The following ZNF331 variants were observed in gnomAD, a reference collection of about 807,000 sequenced individuals.
The protein encoded by ZNF331 is zinc finger protein 331, also known as C2H2-like zinc finger protein rearranged in thyroid adenomas.
ZNF331 carries 2 observed loss-of-function variants against 7.0 expected under a neutral mutation model. That is an observed-to-expected ratio of 0.29 (90% CI 0.12 to 0.90). The LOEUF is 0.90. Ranked by LOEUF, ZNF331 falls within the 40% of genes least tolerant of loss-of-function variation. The probability of loss-of-function intolerance (pLI) is 0.58; values close to 1 mark genes in which losing one functional copy is unlikely to be tolerated. For missense variants in ZNF331, 432 were observed against 587.7 expected (o/e 0.74, Z 2.74); for synonymous variants, 196 against 205.4 (o/e 0.95, Z 0.39).
In ZNF331 at chr19:53,577,658, T is replaced by C. The variant is rs1207099473; in HGVS notation, c.1098T>C (p.Cys366=). The part of the protein sequence containing the change: ...KCTECGKAFN[C]GYHLTQHERI... ...CAGAATGTGGGAAGGCCTTCAATTGTGGCTATCACCTCACTCAGCACGAGA... is the reference window on the plus strand; with the variant it reads ...CAGAATGTGGGAAGGCCTTCAATTGCGGCTATCACCTCACTCAGCACGAGA... The change falls in exon 6 of 6, where the codon TGT becomes TGC. Residue 366 remains cysteine (C), a synonymous_variant. Coordinates refer to ENST00000449416, the MANE Select transcript of ZNF331 (RefSeq NM_001079906.2). 1 of 1,613,734 alleles carries C rather than the reference T, an allele frequency of 6.2e-7. No individual in the cohort carries two copies. The highest frequency in any genetic ancestry group is 1.1e-5 in the South Asian group (1 of 91,060).
chr19:53,557,191 C>T (rs547313767), intron 3 of ZNF331, among the ~76,000 whole-genome samples: 1 of 151,980 alleles, frequency 6.6e-6, no homozygotes, highest in African/African-American at 2.4e-5. Flanking sequence ...CTCCTGAGCT[C>T]AAGCAATCCT....
intron 3 of ZNF331, among the ~76,000 whole-genome samples, 197 bp downstream of exon 3, chr19:53,556,105 T>C (rs541829578): frequency 2.7e-5 from 4 of 150,052 alleles, no homozygotes; most frequent in Non-Finnish European, 5.9e-5. Context: ...TAGCCGGGAG[T>C]GGTGGTGGGC....
chr19:53,514,928 C>G (rs909566034), upstream of ZNF331, among the ~76,000 whole-genome samples: 4 of 152,236 alleles, frequency 2.6e-5, no homozygotes, highest in East Asian at 7.8e-4. Context: ...GGATTACAGG[C>G]GGGAGCCATG....
chr19:53,526,158 T>C (rs541379174), intron 2 of ZNF331, among the ~76,000 whole-genome samples: 3 of 152,370 alleles, frequency 2.0e-5, no homozygotes, highest in South Asian at 2.1e-4. Flanking sequence ...CCTTTTTATA[T>C]GCTACTGAGT....
chr19:53,507,356 T>C, the ZNF331 span, among the ~76,000 whole-genome samples: 2 of 152,110 alleles, frequency 1.3e-5, no homozygotes, highest in African/African-American at 4.8e-5. Flanking sequence ...CACCTTGATA[T>C]TCCAATTTTG....
In ZNF331 at chr19:53,580,120, G is replaced by A. The variant is rs1003324336; in HGVS notation, c.*2168G>A. 1 of 210,134 alleles carries A rather than the reference G, an allele frequency of 4.8e-6. No homozygotes were observed. 13.0% of individuals were successfully genotyped at this position (210,134 alleles called of 1,614,324 possible). A position where few individuals can be genotyped will look rare whatever the true frequency, so the allele number is the denominator to read the frequency against. ...TCAGATGTCTCACCACAAAGAAGGA[G>A]GATAAGGGAGCGAGGTGATGGATAT... On this transcript the variant is annotated 3_prime_UTR_variant, in exon 6 of 6. Coordinates refer to ENST00000449416, the MANE Select transcript of ZNF331 (RefSeq NM_001079906.2).
At chr19:53,559,944 CACCA>C (rs2147527122) in intron 3 of ZNF331, among the ~76,000 whole-genome samples, 1 of 149,122 alleles carries the variant, frequency 6.7e-6, no homozygotes, top group African/African-American at 2.5e-5. Flanking sequence ...CATACATACA[CACCA>C]CACACACACA....
intron 3 of ZNF331, among the ~76,000 whole-genome samples, chr19:53,567,390 A>T (rs1196128366): frequency 6.6e-6 from 1 of 152,114 alleles, no homozygotes; most frequent in Middle Eastern, 3.2e-3. Context: ...TCAGAATGAG[A>T]CTGAATACTC....
upstream of ZNF331, among the ~76,000 whole-genome samples, chr19:53,534,061 T>C (rs139992487): frequency 9.3e-3 from 1,417 of 152,278 alleles, 24 homozygotes; most frequent in African/African-American, 0.032. Context: ...GCAGCTGTTA[T>C]AGCAGCCAAA....
chr19:53,564,348 C>T (rs1223234477), intron 3 of ZNF331, among the ~76,000 whole-genome samples: 2 of 151,868 alleles, frequency 1.3e-5, no homozygotes, highest in Non-Finnish European at 2.9e-5. Context: ...AGTGCGATCT[C>T]GGCTCACTGC....
rs1415849942 is a variant in ZNF331 at position 53,580,061 on chromosome 19, T to C, written c.*2109T>C. On this transcript the variant is annotated 3_prime_UTR_variant, in exon 6 of 6. Transcript: ENST00000449416. ...CTGTCACTCTAGACAGTCACCAGGA[T>C]GATTAAATTTAAATCACAATAACAA... The C allele has an allele frequency of 4.7e-6, 1 of 210,846 alleles. No homozygotes were observed. The highest frequency in any genetic ancestry group is 7.2e-5 in the East Asian group (1 of 13,932). 13.1% of individuals were successfully genotyped at this position (210,846 alleles called of 1,614,324 possible). A position where few individuals can be genotyped will look rare whatever the true frequency, so the allele number is the denominator to read the frequency against.
At chr19:53,519,715 C>T (rs141716099), upstream of ZNF331, among the ~76,000 whole-genome samples, 159 of 152,182 alleles carry the variant, frequency 1.0e-3, no homozygotes, top group Non-Finnish European at 1.9e-3. Context: ...CATCAGAGAA[C>T]GAAACGCAAA....
upstream of ZNF331, among the ~76,000 whole-genome samples, chr19:53,519,311 G>A (rs1257374471): frequency 1.3e-5 from 2 of 152,162 alleles, no homozygotes; most frequent in African/African-American, 2.4e-5. Context: ...CCCAGTGTTT[G>A]TCTAAATTGC....
rs975041496 is a variant in ZNF331 at position 53,580,142 on chromosome 19, A to T, written c.*2190A>T. ...GGAGGATAAGGGAGCGAGGTGATGG[A>T]TATGTTAATTAGCTTGATTTAATCC... On this transcript the variant is annotated 3_prime_UTR_variant, in exon 6 of 6. Coordinates refer to ENST00000449416, the MANE Select transcript of ZNF331 (RefSeq NM_001079906.2). 1 of 206,854 alleles carries T rather than the reference A, an allele frequency of 4.8e-6. No homozygotes were observed. Among genetic ancestry groups the T allele is most frequent in the Non-Finnish European group, 9.9e-6 (1 of 101,414 alleles). The allele number at this position is 206,854 out of a possible 1,614,324, so 12.8% of individuals were successfully genotyped here.
the ZNF331 span, among the ~76,000 whole-genome samples, chr19:53,504,603 AC>A: frequency 8.7e-4 from 132 of 152,186 alleles, no homozygotes; most frequent in African/African-American, 3.0e-3. Flanking sequence ...CTCGGAGTAG[AC>A]GGGGGGAATG....
At chr19:53,533,609 A>G (rs1206707654), upstream of ZNF331, among the ~76,000 whole-genome samples, 2 of 152,020 alleles carry the variant, frequency 1.3e-5, no homozygotes, top group Non-Finnish European at 2.9e-5. Flanking sequence ...CAATTATTGT[A>G]TTGCAGTCTG....
At chr19:53,506,418 C>CTCTCTCTCTCTCTGTCTCTCTG in the ZNF331 span, among the ~76,000 whole-genome samples, 3 of 65,674 alleles carry the variant, frequency 4.6e-5, no homozygotes, top group African/African-American at 2.1e-4. Flanking sequence ...TCTCCTCTCT[C>CTCTCTCTCTCTCTGTCTCTCTG]TCTCTCTCTC....
upstream of ZNF331, among the ~76,000 whole-genome samples, chr19:53,515,314 CAA>C (rs1448056626): frequency 6.6e-6 from 1 of 152,298 alleles, no homozygotes; most frequent in Admixed American, 6.5e-5. Flanking sequence ...AAAACACTCG[CAA>C]AGTCACTAAA....
intron 2 of ZNF331, among the ~76,000 whole-genome samples, chr19:53,527,550 C>G (rs903224643): frequency 6.6e-6 from 1 of 152,188 alleles, no homozygotes; most frequent in Non-Finnish European, 1.5e-5. Flanking sequence ...TTACTGTTAA[C>G]TGTATTTACT....
Sources: gnomAD v4.1 joint callset for allele counts (sites outside exome capture counted in the v4.1 genomes callset) on GRCh38, gnomAD v4.1.1 for gene constraint, MANE v1.5 for transcripts, NCBI Gene and HGNC (gene_info 2026-07-23, HGNC 2026-07-21) for gene names.